The following RNF13 variants were observed in gnomAD, a reference collection of about 807,000 sequenced individuals.
The protein encoded by RNF13 is ring finger protein 13.
A neutral mutation model predicts 37.7 loss-of-function variants in RNF13; 19 were observed. The ratio of observed to expected loss-of-function variants is 0.50; its 90% CI spans 0.35 to 0.74. RNF13 has a LOEUF of 0.74. RNF13 is among the 30% of genes least tolerant of loss of function. The probability of loss-of-function intolerance (pLI) is 0.01; values close to 1 mark genes in which losing one functional copy is unlikely to be tolerated. For synonymous variants in RNF13, 144 were observed against 157.8 expected (o/e 0.91, Z 0.65); for missense variants, 375 against 453.0 (o/e 0.83, Z 1.56).
chr3:149,869,461 C>G (rs1711741973), intron 3 of RNF13, among the ~76,000 whole-genome samples: 1 of 151,572 alleles, frequency 6.6e-6, no homozygotes, highest in East Asian at 1.9e-4. Context: ...AAAAAATTAG[C>G]CGGGCGTAGT....
chr3:149,956,958 T>C (rs1721930437), intron 8 of RNF13, among the ~76,000 whole-genome samples: 1 of 152,156 alleles, frequency 6.6e-6, no homozygotes, highest in African/African-American at 2.4e-5. Flanking sequence ...TTTCCAGATA[T>C]CACCAAATGT....
rs144054785 is a variant in RNF13 at position 149,852,342 on chromosome 3, T to C, written c.115-174T>C. ...AAGCAGTTGTATATGTTGTAAATTA[T>C]ATATATTCCTTCTATTTTAGTGGAT... On this transcript the variant is annotated intron_variant, in intron 2 of 9. Transcript: ENST00000392894. 8.7e-3 allele frequency among the ~76,000 whole-genome samples: 1,325 copies of C among 152,274 alleles called. 8 individuals are homozygous for C. The highest frequency in any genetic ancestry group is 0.013 in the Non-Finnish European group (864 of 67,978).
intron 4 of RNF13, among the ~76,000 whole-genome samples, chr3:149,876,303 A>C (rs546490763): frequency 6.6e-6 from 1 of 152,192 alleles, no homozygotes; most frequent in African/African-American, 2.4e-5. Flanking sequence ...TTTTTGAAAA[A>C]TGCAGCTGCA....
At chr3:149,925,798 A>G (rs1241015325) in intron 8 of RNF13, among the ~76,000 whole-genome samples, 2 of 152,186 alleles carry the variant, frequency 1.3e-5, no homozygotes, top group African/African-American at 4.8e-5. Flanking sequence ...ATCATTTCCA[A>G]AGTGATTGAT....
intron 8 of RNF13, among the ~76,000 whole-genome samples, chr3:149,932,200 C>T (rs1719225377): frequency 6.6e-6 from 1 of 152,096 alleles, no homozygotes; most frequent in African/African-American, 2.4e-5. Flanking sequence ...GACACATATC[C>T]AGCAATGGGA....
intron 8 of RNF13, among the ~76,000 whole-genome samples, chr3:149,930,905 C>T (rs1484949411): frequency 6.6e-6 from 1 of 152,036 alleles, no homozygotes; most frequent in Non-Finnish European, 1.5e-5. Context: ...ATAGTGATGA[C>T]CACTTTTCTA....
chr3:149,829,706 A>G (rs1477699744), intron 1 of RNF13, among the ~76,000 whole-genome samples: 1 of 152,228 alleles, frequency 6.6e-6, no homozygotes, highest in Non-Finnish European at 1.5e-5. Flanking sequence ...ACTTTTGCTT[A>G]TGACAACTTC....
intron 8 of RNF13, among the ~76,000 whole-genome samples, chr3:149,946,722 G>C (rs192759925): frequency 2.6e-5 from 4 of 152,242 alleles, no homozygotes; most frequent in Non-Finnish European, 5.9e-5. Context: ...TGCAGCTAAA[G>C]ATTTGCTAAT....
intron 3 of RNF13, among the ~76,000 whole-genome samples, chr3:149,855,705 G>A (rs545731755): frequency 1.8e-4 from 27 of 151,644 alleles, no homozygotes; most frequent in African/African-American, 6.5e-4. Flanking sequence ...GAAACCAATG[G>A]GTATGTACAT....
intron 8 of RNF13, among the ~76,000 whole-genome samples, chr3:149,950,328 C>T (rs1459603606): frequency 1.3e-5 from 2 of 152,054 alleles, no homozygotes; most frequent in Non-Finnish European, 2.9e-5. Context: ...GTGTTTTTGC[C>T]TTTTAGTATG....
chr3:149,926,234 C>T (rs1259845551), intron 8 of RNF13, among the ~76,000 whole-genome samples: 4 of 152,080 alleles, frequency 2.6e-5, no homozygotes, highest in South Asian at 2.1e-4. Context: ...TTTTTTGAGG[C>T]GGAGTCTCGC....
intron 8 of RNF13, among the ~76,000 whole-genome samples, chr3:149,923,298 C>G (rs1320432264): frequency 6.6e-6 from 1 of 151,852 alleles, no homozygotes; most frequent in Non-Finnish European, 1.5e-5. Flanking sequence ...CTGTGTTGCT[C>G]AGGCTGAACT....
chr3:149,906,645 C>CTTTTT (rs35801459), intron 6 of RNF13, among the ~76,000 whole-genome samples: 183 of 79,082 alleles, frequency 2.3e-3, no homozygotes, highest in African/African-American at 3.6e-3. Flanking sequence ...TTCAATTCTG[C>CTTTTT]TTTTTTTTTT....
intron 1 of RNF13, among the ~76,000 whole-genome samples, chr3:149,828,501 T>C (rs1420157072): frequency 1.3e-5 from 2 of 152,242 alleles, no homozygotes; most frequent in African/African-American, 4.8e-5. Flanking sequence ...CTACCATCTT[T>C]CCCTAGTGTT....
intron 1 of RNF13, among the ~76,000 whole-genome samples, chr3:149,834,322 C>T (rs1721370702): frequency 6.6e-6 from 1 of 152,228 alleles, no homozygotes; most frequent in Admixed American, 6.5e-5. Flanking sequence ...AGGTCGTATA[C>T]TTCCTGATTT....
At chr3:149,897,589 TCTTGA>T in intron 5 of RNF13, among the ~76,000 whole-genome samples, 1 of 152,354 alleles carries the variant, frequency 6.6e-6, no homozygotes. Context: ...GAATTTTGGT[TCTTGA>T]CTTTGTTGCT....
intron 1 of RNF13, among the ~76,000 whole-genome samples, chr3:149,820,352 C>G (rs746474963): frequency 1.3e-5 from 2 of 151,780 alleles, no homozygotes; most frequent in African/African-American, 4.8e-5. Flanking sequence ...ACTCCCTGCC[C>G]GGGCTCTGTT....
rs137987405 is a variant in RNF13, at chr3:149,931,687, G to T, written c.700+10460G>T. 6.6e-4 allele frequency among the ~76,000 whole-genome samples: 100 copies of T among 152,222 alleles called. 1 individual carries two copies. The highest frequency in any genetic ancestry group is 2.3e-3 in the African/African-American group (96 of 41,540). ...ATCACCCCAAGCAATGATCATTTTT[G>T]TGTGTGTGTTGGGAATAATTCAAAG... On this transcript the variant is annotated intron_variant, in intron 8 of 9. Transcript: ENST00000392894.
intron 3 of RNF13, among the ~76,000 whole-genome samples, chr3:149,861,231 G>C (rs753371183): frequency 6.6e-6 from 1 of 151,818 alleles, no homozygotes; most frequent in Admixed American, 6.6e-5. Context: ...AAAAGGGGGT[G>C]GGGGAGAACT....
Sources: allele counts gnomAD v4.1 joint callset (sites outside exome capture counted in the v4.1 genomes callset), GRCh38; gene constraint gnomAD v4.1.1; transcripts MANE v1.5; gene names NCBI Gene and HGNC (gene_info 2026-07-23, HGNC 2026-07-21).